The following P2RY12 variants were observed in gnomAD, a reference collection of about 807,000 sequenced individuals.
The protein encoded by P2RY12 is purinergic receptor P2Y12.
In P2RY12, 3 loss-of-function variants were observed where a neutral mutation model predicts 4.5. The observed-to-expected ratio is 0.67, with a 90% CI of 0.31 to 1.74. The LOEUF is 1.74. P2RY12 is among the 40% of genes most tolerant of loss of function. The probability of loss-of-function intolerance (pLI) is 0.09; values close to 1 mark genes in which losing one functional copy is unlikely to be tolerated. For synonymous variants in P2RY12, 148 were observed against 154.1 expected (o/e 0.96, Z 0.29); for missense variants, 356 against 407.8 (o/e 0.87, Z 1.09).
chr3:151,369,501 A>G lies in P2RY12; in HGVS notation c.-180+15191T>C, dbSNP rs201015811. 117 of 1,612,126 alleles carry G rather than the reference A, an allele frequency of 7.3e-5. No individual in the cohort carries two copies. The highest frequency in any genetic ancestry group is 9.6e-5 in the Non-Finnish European group (113 of 1,178,730). On this transcript the variant is annotated intron_variant, in intron 1 of 2. Transcript: ENST00000302632. Reference sequence around the variant, plus strand: ...CCTCTTAGCCGCTGCTCACAACAGCATTGAAGTGGGAGCCGTGTTTGCTGT... The same window carrying G: ...CCTCTTAGCCGCTGCTCACAACAGCGTTGAAGTGGGAGCCGTGTTTGCTGT...
Position 151,337,739 on chromosome 3 carries a change from G to A in P2RY12, c.*78C>T, listed in dbSNP as rs1318774149. 2.8e-6 allele frequency: 4 copies of A among 1,428,802 alleles called. No individual in the cohort carries two copies. In the African/African-American group the frequency reaches 5.7e-5, roughly 20 times the overall value. 88.5% of individuals were successfully genotyped at this position (1,428,802 alleles called of 1,614,324 possible). On this transcript the variant is annotated 3_prime_UTR_variant, in exon 3 of 3. Coordinates refer to ENST00000302632, the MANE Select transcript of P2RY12 (RefSeq NM_022788.5). The stretch of plus-strand genomic sequence containing the variant: ...TATTAACTTAGTTGCTTCTTCGTCA[G>A]TTAATATTTTTACTTAGCGCTTTGC...
intron 1 of P2RY12, among the ~76,000 whole-genome samples, chr3:151,346,900 C>T (rs1560057340): frequency 6.6e-6 from 1 of 151,960 alleles, no homozygotes; most frequent in African/African-American, 2.4e-5. Flanking sequence ...TCAAAAGTTC[C>T]CTGCTGTTAT....
intron 1 of P2RY12, chr3:151,357,163 C>T (rs377013265): frequency 9.1e-6 from 13 of 1,420,830 alleles, no homozygotes; most frequent in African/African-American, 1.4e-5. Flanking sequence ...AATGTTTTCT[C>T]TATTTGTTTT....
At position 151,384,169 on chromosome 3, in the gene P2RY12, G is replaced by T. The variant is rs1712904985; in HGVS notation, c.-180+523C>A. ...GACCTATCAAATGCATCCCCTGGGG[G>T]ATCTGAAGAGAACAAGCGTGCATAC... On this transcript the variant is annotated intron_variant, in intron 1 of 2. Coordinates refer to ENST00000302632, the MANE Select transcript of P2RY12 (RefSeq NM_022788.5). The T allele has an allele frequency of 3.7e-6, 6 of 1,613,716 alleles. No individual in the cohort carries two copies. The South Asian group carries it at 6.6e-5, about 18-fold the overall frequency.
intron 1 of P2RY12, among the ~76,000 whole-genome samples, chr3:151,382,219 A>T (rs577483651): frequency 1.3e-5 from 2 of 152,346 alleles, no homozygotes; most frequent in African/African-American, 4.8e-5. Flanking sequence ...ATAAGATAGC[A>T]GACCTTCTCT....
intron 1 of P2RY12, chr3:151,378,316 A>C: frequency 2.3e-6 from 2 of 858,070 alleles, no homozygotes; most frequent in Non-Finnish European, 3.3e-6. Flanking sequence ...CTATTAGGCA[A>C]GGCTGTCTTA....
intron 1 of P2RY12, among the ~76,000 whole-genome samples, chr3:151,347,255 C>T (rs16863330): frequency 0.024 from 3,713 of 152,250 alleles, 147 homozygotes; most frequent in African/African-American, 0.086. Context: ...CTTATCTTCA[C>T]CTCTGCCCTA....
chr3:151,365,621 A>G (rs949954394), intron 1 of P2RY12, among the ~76,000 whole-genome samples: 3 of 152,160 alleles, frequency 2.0e-5, no homozygotes, highest in African/African-American at 4.8e-5. Flanking sequence ...TAATTCGTGT[A>G]TGTACTGATT....
chr3:151,354,930 G>A (rs1753726977), intron 1 of P2RY12, among the ~76,000 whole-genome samples: 1 of 152,144 alleles, frequency 6.6e-6, no homozygotes, highest in African/African-American at 2.4e-5. Context: ...GCCTAGAGAG[G>A]CCTGAGGGAG....
At chr3:151,350,329 C>T (rs1753064960) in intron 1 of P2RY12, 1 of 834,032 alleles carries the variant, frequency 1.2e-6, no homozygotes. Context: ...ATGACTCTCA[C>T]ATTGAAATGT....
intron 1 of P2RY12, among the ~76,000 whole-genome samples, chr3:151,383,064 A>G (rs1712685916): frequency 6.6e-6 from 1 of 152,230 alleles, no homozygotes; most frequent in African/African-American, 2.4e-5. Context: ...GTTAGCTTCT[A>G]CTATACTTAC....
rs148927984 is a variant in P2RY12 at position 151,353,194 on chromosome 3, T to G, written c.-179-12434A>C. 2.0e-3 allele frequency among the ~76,000 whole-genome samples: 308 copies of G among 152,330 alleles called. 6 individuals are homozygous for G. In the East Asian group the frequency reaches 0.039, roughly 19 times the overall value. Reference sequence around the variant, plus strand: ...TCTTTAAGTCTGTTGTTATTATTTGTTTTGTCCCAGGAAGAACTGAATCAA... The same window carrying G: ...TCTTTAAGTCTGTTGTTATTATTTGGTTTGTCCCAGGAAGAACTGAATCAA... On this transcript the variant is annotated intron_variant, in intron 1 of 2. Coordinates refer to ENST00000302632, the MANE Select transcript of P2RY12 (RefSeq NM_022788.5).
In P2RY12 at chr3:151,368,216, G is replaced by T; in HGVS notation, c.-180+16476C>A. On this transcript the variant is annotated intron_variant, in intron 1 of 2. Transcript: ENST00000302632. ...TGCCGACTCTTGCTTCATCTCTTCCGAGCTCCCCAGGCCTGCTTCTTACCT... is the reference window on the plus strand; with the variant it reads ...TGCCGACTCTTGCTTCATCTCTTCCTAGCTCCCCAGGCCTGCTTCTTACCT... The T allele has an allele frequency of 6.2e-7, 1 of 1,614,010 alleles. No individual in the cohort carries two copies. Among genetic ancestry groups the T allele is most frequent in the South Asian group, 1.1e-5 (1 of 91,074 alleles).
At chr3:151,350,122 C>T (rs1753038933) in intron 1 of P2RY12, 5 of 1,613,060 alleles carry the variant, frequency 3.1e-6, no homozygotes, top group South Asian at 2.2e-5. Context: ...CGGCAAAGAG[C>T]GTGATGAAGC....
chr3:151,371,304 C>G (rs1256596920), intron 1 of P2RY12, among the ~76,000 whole-genome samples: 1 of 152,108 alleles, frequency 6.6e-6, no homozygotes, highest in Non-Finnish European at 1.5e-5. Flanking sequence ...CAATGTAACT[C>G]AAGGTATAGA....
intron 1 of P2RY12, chr3:151,372,463 T>C (rs987211401): frequency 1.3e-6 from 1 of 782,516 alleles, no homozygotes; most frequent in Non-Finnish European, 2.2e-6. Flanking sequence ...ATAATAATAC[T>C]GTTCATATAT....
intron 1 of P2RY12, among the ~76,000 whole-genome samples, chr3:151,361,995 T>A (rs1490532647): frequency 5.3e-5 from 8 of 152,114 alleles, no homozygotes; most frequent in Admixed American, 3.9e-4. Context: ...AGAAAACAAA[T>A]TTGGAATCCA....
At chr3:151,351,375 C>T (rs1753216979) in intron 1 of P2RY12, among the ~76,000 whole-genome samples, 1 of 152,180 alleles carries the variant, frequency 6.6e-6, no homozygotes, top group African/African-American at 2.4e-5. Context: ...GTTATCCTTC[C>T]TGTTATTCAC....
intron 1 of P2RY12, among the ~76,000 whole-genome samples, chr3:151,343,574 A>T (rs1370821842): frequency 6.6e-6 from 1 of 152,214 alleles, no homozygotes; most frequent in Non-Finnish European, 1.5e-5. Context: ...TTTTCATATG[A>T]ATAGAAGCAG....
Sources: allele counts gnomAD v4.1 joint callset (sites outside exome capture counted in the v4.1 genomes callset), GRCh38; gene constraint gnomAD v4.1.1; transcripts MANE v1.5; gene names NCBI Gene and HGNC (gene_info 2026-07-23, HGNC 2026-07-21).